The following DAB1 variants were observed in gnomAD, a reference collection of about 807,000 sequenced individuals.
DAB1 encodes the protein disabled homolog 1.
In DAB1, 15 loss-of-function variants were observed where a neutral mutation model predicts 64.6. The ratio of observed to expected loss-of-function variants is 0.23; its 90% CI spans 0.16 to 0.36. DAB1 has a LOEUF of 0.36. Among genes scored for constraint, DAB1 ranks in the 10% least tolerant of loss-of-function variants. DAB1 has a pLI of 1.00. For synonymous variants in DAB1, 235 were observed against 251.9 expected, an observed-to-expected ratio of 0.93 and a Z score of 0.64; for missense variants, 596 against 706.7, an observed-to-expected ratio of 0.84 and a Z score of 1.78.
intron 5 of DAB1, among the ~76,000 whole-genome samples, chr1:57,916,209 C>T (rs1319071060): frequency 2.0e-5 from 3 of 152,188 alleles, no homozygotes; most frequent in Non-Finnish European, 4.4e-5. Context: ...CACCTCAGAG[C>T]AGGCGATTCG....
At chr1:57,883,380 A>G (rs1164156793) in intron 1 of DAB1, among the ~76,000 whole-genome samples, 1 of 152,212 alleles carries the variant, frequency 6.6e-6, no homozygotes, top group East Asian at 1.9e-4. Flanking sequence ...GACAGTTTAA[A>G]TTAAAGGATG....
rs529486372 is a variant in DAB1 at position 57,586,247 on chromosome 1, C to A, written n.625+63345G>T. 4.6e-5 allele frequency among the ~76,000 whole-genome samples: 7 copies of A among 152,270 alleles called. No homozygotes were observed. In the East Asian group the frequency reaches 1.4e-3, roughly 29 times the overall value. Reference sequence around the variant, plus strand: ...GAAACTTTTCTCTCCTCACCAACATCTTCAGCTAACTACCTCCTCTTCTTC... The same window carrying A: ...GAAACTTTTCTCTCCTCACCAACATATTCAGCTAACTACCTCCTCTTCTTC... On this transcript the variant is annotated intron_variant and non_coding_transcript_variant, in intron 7 of 20. Transcript: ENST00000485760.
chr1:58,433,062 G>A (rs1442667174), intron 3 of DAB1, among the ~76,000 whole-genome samples: 2 of 152,240 alleles, frequency 1.3e-5, no homozygotes, highest in African/African-American at 2.4e-5. Context: ...GAGGTTGTAG[G>A]CTGTGTGAGA....
intron 7 of DAB1, among the ~76,000 whole-genome samples, chr1:57,646,701 A>T (rs1211227515): frequency 6.6e-6 from 1 of 152,134 alleles, no homozygotes; most frequent in East Asian, 1.9e-4. Flanking sequence ...GTGAGCCAAG[A>T]TCATGCCACT....
At chr1:58,143,913 C>A (rs1654449219) in intron 5 of DAB1, among the ~76,000 whole-genome samples, 1 of 152,204 alleles carries the variant, frequency 6.6e-6, no homozygotes, top group African/African-American at 2.4e-5. Flanking sequence ...ATTTTAACTG[C>A]ACAAACAGGA....
intron 2 of DAB1, among the ~76,000 whole-genome samples, chr1:57,177,021 A>G (rs1373071089): frequency 6.6e-6 from 1 of 151,298 alleles, no homozygotes; most frequent in Non-Finnish European, 1.5e-5. Flanking sequence ...TTTGCCTAAA[A>G]GCGGGACATA....
At chr1:57,824,125 G>C (rs1380804989), downstream of DAB1, among the ~76,000 whole-genome samples, 1 of 152,212 alleles carries the variant, frequency 6.6e-6, no homozygotes, top group African/African-American at 2.4e-5. Context: ...CCATGAGTTA[G>C]ATGTTATCTC....
At chr1:58,111,765 C>T (rs1651977131) in intron 5 of DAB1, among the ~76,000 whole-genome samples, 1 of 152,110 alleles carries the variant, frequency 6.6e-6, no homozygotes, top group Admixed American at 6.5e-5. Flanking sequence ...ATACAAGCCA[C>T]AACTATCAAT....
At chr1:57,305,975 A>T (rs1053932529) in intron 1 of DAB1, among the ~76,000 whole-genome samples, 9 of 151,094 alleles carry the variant, frequency 6.0e-5, no homozygotes, top group Admixed American at 1.3e-4. Flanking sequence ...TCTCAAAAAA[A>T]AAAAAAAAAA....
At chr1:58,276,039 T>A (rs563226947) in intron 4 of DAB1, among the ~76,000 whole-genome samples, 24 of 152,354 alleles carry the variant, frequency 1.6e-4, no homozygotes, top group African/African-American at 5.8e-4. Context: ...GACTTTATGC[T>A]AAGTGAAATA....
At chr1:57,304,814 G>C (rs1423083645) in intron 1 of DAB1, among the ~76,000 whole-genome samples, 1 of 152,064 alleles carries the variant, frequency 6.6e-6, no homozygotes, top group African/African-American at 2.4e-5. Context: ...AATGAGTTAG[G>C]AAACAATTAT....
chr1:57,883,851 G>T, intron 1 of DAB1: 2 of 152,186 alleles, frequency 1.3e-5, no homozygotes, highest in East Asian at 3.9e-4. Flanking sequence ...TGAACCTTGG[G>T]TTATTAACTA....
chr1:57,109,803 G>A (rs543838144), intron 4 of DAB1, among the ~76,000 whole-genome samples: 13 of 152,186 alleles, frequency 8.5e-5, no homozygotes, highest in South Asian at 2.1e-4. Context: ...AATATTTGTC[G>A]AATGATTGCA....
intron 7 of DAB1, among the ~76,000 whole-genome samples, chr1:57,515,220 A>C (rs553022309): frequency 5.3e-5 from 8 of 152,260 alleles, no homozygotes; most frequent in African/African-American, 9.6e-5. Flanking sequence ...CAAGCCCTGT[A>C]GCAATATGTG....
At chr1:57,647,471 C>T (rs1646206971) in intron 7 of DAB1, among the ~76,000 whole-genome samples, 1 of 152,108 alleles carries the variant, frequency 6.6e-6, no homozygotes, top group African/African-American at 2.4e-5. Flanking sequence ...TTTCCCCAAA[C>T]CATGTAAATA....
At chr1:57,395,223 G>A (rs1437624001) in intron 1 of DAB1, among the ~76,000 whole-genome samples, 3 of 151,950 alleles carry the variant, frequency 2.0e-5, no homozygotes, top group Non-Finnish European at 2.9e-5. Context: ...ACGGGGTTTC[G>A]CCATGTTGGC....
intron 2 of DAB1, among the ~76,000 whole-genome samples, chr1:57,167,816 A>T (rs537952023): frequency 6.6e-6 from 1 of 152,294 alleles, no homozygotes; most frequent in Admixed American, 6.5e-5. Context: ...CACAGCACTC[A>T]GCATATTGTG....
At chr1:57,934,703 C>T (rs989866067) in intron 5 of DAB1, among the ~76,000 whole-genome samples, 17 of 152,294 alleles carry the variant, frequency 1.1e-4, no homozygotes, top group African/African-American at 3.8e-4. Flanking sequence ...TCTGAATCTA[C>T]GTCATTCTAA....
intron 1 of DAB1, among the ~76,000 whole-genome samples, chr1:57,412,653 C>A (rs1321487124): frequency 2.0e-5 from 3 of 152,186 alleles, no homozygotes; most frequent in Non-Finnish European, 4.4e-5. Context: ...TAAACCAAAT[C>A]CTGATTTAGA....
Sources: gnomAD v4.1 joint callset for allele counts (sites outside exome capture counted in the v4.1 genomes callset) on GRCh38, gnomAD v4.1.1 for gene constraint, MANE v1.5 for transcripts, NCBI Gene and HGNC (gene_info 2026-07-23, HGNC 2026-07-21) for gene names.